WAPL: variants seen among roughly 807,000 people sequenced by gnomAD.
WAPL encodes the protein WAPL cohesin release factor.
In WAPL, 5 loss-of-function variants were observed where a neutral mutation model predicts 121.0. That is an observed-to-expected ratio of 0.04 (90% CI 0.02 to 0.09). The LOEUF is 0.09. WAPL is among the 10% of genes least tolerant of loss of function. The pLI, the probability that WAPL is intolerant of heterozygous loss-of-function variation, is 1.00. For missense variants in WAPL, 999 were observed against 1,410.8 expected, an observed-to-expected ratio of 0.71 and a Z score of 4.68; for synonymous variants, 480 against 481.5, an observed-to-expected ratio of 1.00 and a Z score of 0.04.
intron 2 of WAPL, among the ~76,000 whole-genome samples, chr10:86,509,326 T>C (rs111294376): frequency 6.6e-6 from 1 of 152,156 alleles, no homozygotes. Flanking sequence ...GCTGCTCACA[T>C]TACATAGCTG....
chr10:86,508,014 C>G (rs1362217124), intron 2 of WAPL, among the ~76,000 whole-genome samples: 1 of 152,150 alleles, frequency 6.6e-6, no homozygotes, highest in Non-Finnish European at 1.5e-5. Flanking sequence ...ATTCTGTATT[C>G]TGTCCAGGTT....
intron 2 of WAPL, among the ~76,000 whole-genome samples, chr10:86,508,052 A>T (rs1265808517): frequency 1.3e-5 from 2 of 152,188 alleles, no homozygotes; most frequent in African/African-American, 4.8e-5. Context: ...CTAGAGGAGG[A>T]GGAAAAAAAC....
intron 4 of WAPL, among the ~76,000 whole-genome samples, chr10:86,491,517 T>A (rs1445748111): frequency 6.6e-6 from 1 of 152,140 alleles, no homozygotes; most frequent in Non-Finnish European, 1.5e-5. Flanking sequence ...AGCACTCAGA[T>A]CTTGGTTTCT....
intron 9 of WAPL, among the ~76,000 whole-genome samples, chr10:86,462,418 T>TA (rs941706487): frequency 6.6e-6 from 1 of 152,078 alleles, no homozygotes; most frequent in Non-Finnish European, 1.5e-5. Flanking sequence ...CTACTTCTTT[T>TA]AAAAAAGTTG....
rs1410571245 is a variant in WAPL, at chr10:86,499,821, C to T, written c.1422G>A (p.Lys474=). 5.6e-6 allele frequency: 9 copies of T among 1,612,478 alleles called. No individual in the cohort carries two copies. Among genetic ancestry groups the T allele is most frequent in the Non-Finnish European group, 7.6e-6 (9 of 1,179,642 alleles). Residue 474 remains lysine, a synonymous_variant, in exon 3 of 19, where the codon AAG becomes AAA. Transcript: ENST00000298767. The part of the protein sequence containing the change: ...DEDDDCQVER[K]TSKKRTKTAP... ...CTGTTTTAGTTCTTTTTTTGCTTGTCTTTCTTTCTACTTGACAGTCATCAT... is the reference window on the plus strand; with the variant it reads ...CTGTTTTAGTTCTTTTTTTGCTTGTTTTTCTTTCTACTTGACAGTCATCAT...
intron 2 of WAPL, among the ~76,000 whole-genome samples, chr10:86,506,412 GTTTTA>G (rs1248982540): frequency 6.6e-6 from 1 of 152,108 alleles, no homozygotes; most frequent in Non-Finnish European, 1.5e-5. Flanking sequence ...GTGGTTTTCT[GTTTTA>G]TTTTACAATT....
chr10:86,515,958 T>C (rs1842548445), intron 2 of WAPL, among the ~76,000 whole-genome samples: 2 of 141,368 alleles, frequency 1.4e-5, no homozygotes, highest in African/African-American at 5.2e-5. Context: ...CTCTGTCTCC[T>C]GGGTTCAAGT....
chr10:86,504,778 T>C (rs1036461852), intron 2 of WAPL, among the ~76,000 whole-genome samples: 3 of 151,786 alleles, frequency 2.0e-5, no homozygotes, highest in South Asian at 2.1e-4. Context: ...CCTGTGTGAG[T>C]AGCCACGCAC....
intron 4 of WAPL, among the ~76,000 whole-genome samples, chr10:86,482,425 T>C (rs1004454490): frequency 2.0e-5 from 3 of 152,256 alleles, no homozygotes; most frequent in African/African-American, 7.2e-5. Context: ...AATATATGTA[T>C]ACGTGCATGT....
At position 86,460,421 on chromosome 10, in the gene WAPL, C is replaced by T. The variant is rs939165393; in HGVS notation, c.2558G>A (p.Arg853Lys). 5 of 1,613,786 alleles carry T rather than the reference C, an allele frequency of 3.1e-6. No individual in the cohort carries two copies. Among genetic ancestry groups the T allele is most frequent in the Non-Finnish European group, 4.2e-6 (5 of 1,179,966 alleles). ...TACACTTTCTAAAACTCGTAAACAT[C>T]TCTCTGCTCCCCATAGTGAGGCTAC... is the stretch of plus-strand genomic sequence containing the variant. The part of the protein sequence containing the change: ...KLVASLWGAE[R>K]CLRVLESVTV... The change falls in exon 11 of 19, where the codon AGA becomes AAA. Residue 853 changes from arginine to lysine, a missense_variant. Physicochemically the swap from Arg to Lys is conservative, Grantham distance 26. This residue lies in a region of WAPL where 118 missense variants were observed against 318.3 expected (regional missense o/e 0.37). Transcript: ENST00000298767.
intron 4 of WAPL, among the ~76,000 whole-genome samples, chr10:86,495,362 G>A (rs1184695698): frequency 6.6e-6 from 1 of 152,046 alleles, no homozygotes; most frequent in Non-Finnish European, 1.5e-5. Flanking sequence ...AGCTATTTAG[G>A]AGTCTGAGGT....
chr10:86,461,259 A>G lies in WAPL; in HGVS notation c.2399T>C (p.Leu800Ser). Reference protein sequence around the residue: ...TTGHLAMETLLSLTSKRAGDW... With the variant: ...TTGHLAMETLSSLTSKRAGDW... Reference sequence around the variant, plus strand: ...TCCTGCTCGTTTAGAAGTAAGGGATAATAATGTCTCCATAGCTAAATGCCC... The same window carrying G: ...TCCTGCTCGTTTAGAAGTAAGGGATGATAATGTCTCCATAGCTAAATGCCC... The change falls in exon 10 of 19, where the codon TTA becomes TCA. Residue 800 changes from leucine (L) to serine (S), a missense_variant. Physicochemically the swap from Leu to Ser is moderately radical, Grantham distance 145. Transcript: ENST00000298767. The G allele has an allele frequency of 6.2e-7, 1 of 1,613,554 alleles. No individual in the cohort carries two copies. The highest frequency in any genetic ancestry group is 8.5e-7 in the Non-Finnish European group (1 of 1,179,840).
chr10:86,502,279 T>G (rs1236717736), intron 2 of WAPL, among the ~76,000 whole-genome samples: 1 of 152,170 alleles, frequency 6.6e-6, no homozygotes, highest in Non-Finnish European at 1.5e-5. Flanking sequence ...ATGAGGCAGC[T>G]CTACATTATG....
chr10:86,477,579 G>C (rs1429885630), intron 4 of WAPL, among the ~76,000 whole-genome samples: 1 of 152,148 alleles, frequency 6.6e-6, no homozygotes, highest in South Asian at 2.1e-4. Flanking sequence ...GAGACAGGTG[G>C]ATCACCTGAG....
chr10:86,506,921 T>C (rs539428295), intron 2 of WAPL, among the ~76,000 whole-genome samples: 1 of 152,172 alleles, frequency 6.6e-6, no homozygotes, highest in East Asian at 1.9e-4. Flanking sequence ...GACACTGATA[T>C]GCTGACTCTC....
intron 2 of WAPL, among the ~76,000 whole-genome samples, chr10:86,510,667 T>C (rs576819584): frequency 6.6e-6 from 1 of 152,356 alleles, no homozygotes; most frequent in East Asian, 1.9e-4. Flanking sequence ...ACAAAAGTTC[T>C]GCTTTAGAAC....
intron 2 of WAPL, among the ~76,000 whole-genome samples, chr10:86,513,815 C>T (rs184561358): frequency 4.2e-4 from 64 of 152,206 alleles, no homozygotes; most frequent in Admixed American, 2.0e-3. Context: ...ATAGTATGAA[C>T]GAGAAGGACA....
intron 2 of WAPL, among the ~76,000 whole-genome samples, chr10:86,510,983 C>T (rs1007232874): frequency 2.2e-5 from 3 of 134,620 alleles, no homozygotes; most frequent in Non-Finnish European, 3.1e-5. Context: ...CACCCCAACA[C>T]ATCAGGCTAA....
intron 12 of WAPL, among the ~76,000 whole-genome samples, chr10:86,457,327 T>TAAAA (rs10668599): frequency 0.13 from 14,650 of 110,932 alleles, 1,250 homozygotes; most frequent in African/African-American, 0.15. Context: ...CTGTATCTAT[T>TAAAA]AAAAAAAAAA....
Sources: gnomAD v4.1 joint callset for allele counts (sites outside exome capture counted in the v4.1 genomes callset) on GRCh38, gnomAD v4.1.1 for gene constraint, gnomAD v4.1.1 regional missense constraint, MANE v1.5 for transcripts, NCBI Gene and HGNC (gene_info 2026-07-23, HGNC 2026-07-21) for gene names.